Variants in GABRB3 observed in about 807,000 individuals in gnomAD.
The protein encoded by GABRB3 is gamma-aminobutyric acid receptor subunit beta-3.
In GABRB3, 14 loss-of-function variants were observed where a neutral mutation model predicts 52.1. That is an observed-to-expected ratio of 0.27 (90% CI 0.18 to 0.42). The LOEUF (loss-of-function observed/expected upper bound fraction) is 0.42, where lower values mean the gene tolerates loss of function less well. Ranked by LOEUF, GABRB3 falls within the 10% of genes least tolerant of loss-of-function variation. The probability of loss-of-function intolerance (pLI) is 1.00; values close to 1 mark genes in which losing one functional copy is unlikely to be tolerated. For synonymous variants in GABRB3, 260 were observed against 232.3 expected (o/e 1.12, Z -1.08); for missense variants, 307 against 609.1 (o/e 0.50, Z 5.22).
In GABRB3 at chr15:26,560,373, T is replaced by A. The variant is rs572372071; in HGVS notation, c.1080+559A>T. ...AGGGAGTCTTTCATTGCCAGCTCCA[T>A]GTTGACCCTCTCCCTTGTGTTCAAC... is the stretch of plus-strand genomic sequence containing the variant. On this transcript the variant is annotated intron_variant, in intron 8 of 8. Transcript: ENST00000311550. 5.1e-4 allele frequency among the ~76,000 whole-genome samples: 78 copies of A among 152,320 alleles called. 1 individual carries two copies. The highest frequency in any genetic ancestry group is 4.8e-3 in the Admixed American group (74 of 15,302).
rs759375301 is a variant in GABRB3, at chr15:26,772,783, G to A, written c.81-11C>T. 8.4e-6 allele frequency: 13 copies of A among 1,540,602 alleles called. No individual in the cohort carries two copies. In the Admixed American group the frequency reaches 1.3e-4, roughly 16 times the overall value. ...CCGGGATCGTTCACACTGGGGGAGG[G>A]ACGGGGAGCACAAAGAGCGGGGTCA... On this transcript the variant is annotated splice_polypyrimidine_tract_variant and intron_variant, in intron 1 of 8. Transcript: ENST00000311550.
chr15:26,740,952 ACT>A (rs1890189432), intron 3 of GABRB3, among the ~76,000 whole-genome samples: 1 of 151,868 alleles, frequency 6.6e-6, no homozygotes, highest in Admixed American at 6.6e-5. Flanking sequence ...CACGGAGCCG[ACT>A]CTGAGTCAGA....
In GABRB3 at chr15:26,688,382, C is replaced by T. The variant is rs549141926; in HGVS notation, c.241-66848G>A. Among the ~76,000 whole-genome samples the T allele has an allele frequency of 3.3e-5, 5 of 152,264 alleles. No homozygotes were observed. The South Asian group carries it at 6.2e-4, about 19-fold the overall frequency. On this transcript the variant is annotated intron_variant, in intron 3 of 8. Transcript: ENST00000311550. Reference sequence around the variant, plus strand: ...TTCCCACTCTAAACTTCAGCAGGGGCGATGGCTGACTTGAGGCTGAACCAG... The same window carrying T: ...TTCCCACTCTAAACTTCAGCAGGGGTGATGGCTGACTTGAGGCTGAACCAG...
intron 3 of GABRB3, chr15:26,642,516 G>T (rs1205488134): frequency 7.8e-7 from 1 of 1,287,874 alleles, no homozygotes; most frequent in Non-Finnish European, 1.0e-6. Context: ...TAGCTGTGCA[G>T]TTCCTGCATA....
chr15:26,595,180 C>T (rs1891351609), intron 4 of GABRB3, among the ~76,000 whole-genome samples: 1 of 152,176 alleles, frequency 6.6e-6, no homozygotes, highest in African/African-American at 2.4e-5. Context: ...TTTGTCTTCA[C>T]CCTGTAGCCT....
At chr15:26,719,275 CT>C (rs1315506218) in intron 3 of GABRB3, among the ~76,000 whole-genome samples, 2 of 152,250 alleles carry the variant, frequency 1.3e-5, no homozygotes, top group South Asian at 2.1e-4. Flanking sequence ...AACGACCCTG[CT>C]CAGCACGGAC....
Position 26,558,362 on chromosome 15 carries a change from T to C in GABRB3, c.1080+2570A>G, listed in dbSNP as rs544471212. Among the ~76,000 whole-genome samples the C allele has an allele frequency of 1.3e-4, 20 of 152,336 alleles. No individual in the cohort carries two copies. In the South Asian group the frequency reaches 2.9e-3, roughly 22 times the overall value. On this transcript the variant is annotated intron_variant, in intron 8 of 8. Coordinates refer to ENST00000311550, the MANE Select transcript of GABRB3 (RefSeq NM_000814.6). Reference sequence around the variant, plus strand: ...ATGGGTTCATGAATGTTCGTGGGCCTCTGCCAGGTCTATGGGCACAGGCAG... The same window carrying C: ...ATGGGTTCATGAATGTTCGTGGGCCCCTGCCAGGTCTATGGGCACAGGCAG...
intron 4 of GABRB3, among the ~76,000 whole-genome samples, chr15:26,587,042 GTTC>G (rs1485833089): frequency 6.6e-6 from 1 of 152,038 alleles, no homozygotes; most frequent in Non-Finnish European, 1.5e-5. Flanking sequence ...AACTTCAAAT[GTTC>G]TTGCCACAAA....
At chr15:26,627,366 C>T (rs1313904006) in intron 3 of GABRB3, among the ~76,000 whole-genome samples, 1 of 149,864 alleles carries the variant, frequency 6.7e-6, no homozygotes, top group Non-Finnish European at 1.5e-5. Context: ...AACTGACTTT[C>T]AAGTTTTATT....
At chr15:26,552,381 G>A (rs1316427502) in intron 8 of GABRB3, among the ~76,000 whole-genome samples, 1 of 152,212 alleles carries the variant, frequency 6.6e-6, no homozygotes, top group South Asian at 2.1e-4. Context: ...ATGACAAAGT[G>A]TGTCTGCATG....
chr15:26,629,054 C>T, intron 3 of GABRB3: 1 of 1,536,132 alleles, frequency 6.5e-7, no homozygotes, highest in Non-Finnish European at 8.7e-7. Context: ...CCCAAAGACT[C>T]CGAGAGCCTC....
At chr15:26,724,052 G>A (rs572459640) in intron 3 of GABRB3, among the ~76,000 whole-genome samples, 1 of 152,260 alleles carries the variant, frequency 6.6e-6, no homozygotes, top group East Asian at 1.9e-4. Context: ...CAGTCCACGT[G>A]TACATCACTC....
chr15:26,550,911 G>A (rs1318534945), intron 8 of GABRB3, among the ~76,000 whole-genome samples: 3 of 152,238 alleles, frequency 2.0e-5, no homozygotes, highest in African/African-American at 7.2e-5. Flanking sequence ...TAGGAGGTGA[G>A]AGGGAAGATA....
At chr15:26,732,230 G>A (rs1319832099) in intron 3 of GABRB3, among the ~76,000 whole-genome samples, 3 of 147,430 alleles carry the variant, frequency 2.0e-5, no homozygotes, top group Admixed American at 2.0e-4. Context: ...GGATGGATGG[G>A]TGGACAGATG....
At chr15:26,732,164 G>T (rs1285618112) in intron 3 of GABRB3, among the ~76,000 whole-genome samples, 1 of 151,600 alleles carries the variant, frequency 6.6e-6, no homozygotes, top group African/African-American at 2.4e-5. Context: ...ATGGATGGAT[G>T]GATCAATGGA....
intron 3 of GABRB3, among the ~76,000 whole-genome samples, chr15:26,629,857 C>G (rs868431957): frequency 1.3e-5 from 2 of 152,154 alleles, no homozygotes; most frequent in Non-Finnish European, 2.9e-5. Context: ...TTCACCAATA[C>G]TGACTCGAAC....
chr15:26,587,826 T>C (rs797005952), intron 4 of GABRB3, among the ~76,000 whole-genome samples: 9 of 152,268 alleles, frequency 5.9e-5, no homozygotes, highest in African/African-American at 2.2e-4. Flanking sequence ...CTAATAAATA[T>C]ATATATTTTT....
chr15:26,626,293 C>G (rs1892689304), intron 3 of GABRB3, among the ~76,000 whole-genome samples: 1 of 152,174 alleles, frequency 6.6e-6, no homozygotes, highest in South Asian at 2.1e-4. Flanking sequence ...CCCTGTATCT[C>G]TCCCTCTCCT....
At chr15:26,707,588 T>C (rs1889145981) in intron 3 of GABRB3, among the ~76,000 whole-genome samples, 3 of 152,202 alleles carry the variant, frequency 2.0e-5, no homozygotes, top group Admixed American at 2.0e-4. Context: ...CATTCATTAT[T>C]GGCAATGGTG....
Sources: allele counts gnomAD v4.1 joint callset (sites outside exome capture counted in the v4.1 genomes callset), GRCh38; gene constraint gnomAD v4.1.1; transcripts MANE v1.5; gene names NCBI Gene and HGNC (gene_info 2026-07-23, HGNC 2026-07-21).